ALKAL1: variants seen among roughly 807,000 people sequenced by gnomAD.
ALKAL1 encodes AUG-beta.
In ALKAL1, 23 loss-of-function variants were observed where a neutral mutation model predicts 13.5. That is an observed-to-expected ratio of 1.70 (90% confidence interval 1.23 to 2.41). The LOEUF (loss-of-function observed/expected upper bound fraction) is 2.41, where lower values mean the gene tolerates loss of function less well. Among genes scored for constraint, ALKAL1 ranks in the 30% most tolerant of loss-of-function variants. The probability of loss-of-function intolerance (pLI) is 0.00; values close to 1 mark genes in which losing one functional copy is unlikely to be tolerated. For synonymous variants in ALKAL1, 85 were observed against 77.7 expected, an observed-to-expected ratio of 1.09 and a Z score of -0.49; for missense variants, 181 against 178.4, an observed-to-expected ratio of 1.01 and a Z score of -0.08.
chr8:52,565,092 C>A lies in ALKAL1; in HGVS notation c.165G>T (p.Arg55=), dbSNP rs988111474. 2 of 1,408,742 alleles carry A rather than the reference C, an allele frequency of 1.4e-6. No individual in the cohort carries two copies. The highest frequency in any genetic ancestry group is 3.0e-5 in the African/African-American group (2 of 66,364). The allele number at this position is 1,408,742 out of a possible 1,614,324, so 87.3% of individuals were successfully genotyped here. ...LLFLPAAGAG[R]TPSGSRSAEI... is the part of the protein sequence containing the mutation. ...CTGCGCTCCGGGAGCCGCTGGGAGT[C>A]CGGCCGGCCCCGGCCGCGGGGAGGA... The change falls in exon 1 of 5, where the codon CGG becomes CGT. Residue 55 remains arginine (R), a synonymous_variant. Transcript: ENST00000358543.
At chr8:52,552,168 T>C (rs1003980261) in intron 1 of ALKAL1, among the ~76,000 whole-genome samples, 4 of 152,078 alleles carry the variant, frequency 2.6e-5, no homozygotes, top group African/African-American at 9.7e-5. Context: ...TTTGGAGGAG[T>C]CTTTGTCAGG....
intron 1 of ALKAL1, among the ~76,000 whole-genome samples, chr8:52,561,441 G>T (rs1847549647): frequency 6.6e-6 from 1 of 152,200 alleles, no homozygotes; most frequent in Non-Finnish European, 1.5e-5. Context: ...AGAGGTAAGA[G>T]AAGTGCATTT....
At chr8:52,552,420 C>A (rs886480045) in intron 1 of ALKAL1, among the ~76,000 whole-genome samples, 10 of 152,208 alleles carry the variant, frequency 6.6e-5, no homozygotes, top group African/African-American at 9.7e-5. Context: ...GTCCCCCAGC[C>A]CCGTACTGTA....
intron 2 of ALKAL1, among the ~76,000 whole-genome samples, chr8:52,540,940 A>G (rs1426109992): frequency 1.3e-5 from 2 of 152,108 alleles, no homozygotes; most frequent in Non-Finnish European, 2.9e-5. Flanking sequence ...GGGCCCTTGG[A>G]CTTGACTAAG....
chr8:52,556,765 T>C (rs1847488640), intron 1 of ALKAL1, among the ~76,000 whole-genome samples: 1 of 152,040 alleles, frequency 6.6e-6, no homozygotes, highest in Non-Finnish European at 1.5e-5. Context: ...AGCAAGTTTA[T>C]TGCTCATTGT....
At chr8:52,561,751 C>G (rs1847552873) in intron 1 of ALKAL1, among the ~76,000 whole-genome samples, 1 of 152,196 alleles carries the variant, frequency 6.6e-6, no homozygotes, top group Non-Finnish European at 1.5e-5. Context: ...CCTTCACATT[C>G]TCTCCTTAAG....
chr8:52,550,475 A>G (rs953865090), intron 1 of ALKAL1, among the ~76,000 whole-genome samples: 4 of 152,194 alleles, frequency 2.6e-5, no homozygotes, highest in African/African-American at 9.6e-5. Flanking sequence ...CAAACTTTAC[A>G]TATGGAATAA....
chr8:52,562,396 G>A (rs1287263310), intron 1 of ALKAL1, among the ~76,000 whole-genome samples: 1 of 152,054 alleles, frequency 6.6e-6, no homozygotes, highest in Non-Finnish European at 1.5e-5. Context: ...CCATCCCAAC[G>A]ACCTCAGCTG....
At chr8:52,562,491 A>G (rs28398003) in intron 1 of ALKAL1, among the ~76,000 whole-genome samples, 1,623 of 152,264 alleles carry the variant, frequency 0.011, 30 homozygotes, top group African/African-American at 0.037. Flanking sequence ...ACGGTGAATC[A>G]GGAGTGTTCC....
intron 1 of ALKAL1, among the ~76,000 whole-genome samples, chr8:52,559,599 T>C (rs899612834): frequency 1.3e-5 from 2 of 152,236 alleles, no homozygotes; most frequent in Non-Finnish European, 2.9e-5. Context: ...AGATTTATTA[T>C]ATCCAGGGTG....
intron 2 of ALKAL1, 126 bp downstream of exon 2, chr8:52,542,266 C>A (rs16917962): frequency 0.14 from 87,878 of 614,840 alleles, 7,332 homozygotes; most frequent in South Asian, 0.25. Context: ...AGCATCCGTC[C>A]ATCTCCCCAA....
At chr8:52,558,476 T>C (rs1186064416) in intron 1 of ALKAL1, among the ~76,000 whole-genome samples, 1 of 151,924 alleles carries the variant, frequency 6.6e-6, no homozygotes, top group East Asian at 1.9e-4. Context: ...CAAATAACAG[T>C]GTGCCTATTT....
chr8:52,560,415 A>C (rs113722213), intron 1 of ALKAL1, among the ~76,000 whole-genome samples: 1 of 152,214 alleles, frequency 6.6e-6, no homozygotes, highest in Non-Finnish European at 1.5e-5. Context: ...GTCGAAGGAA[A>C]TATCACCTGG....
intron 1 of ALKAL1, among the ~76,000 whole-genome samples, chr8:52,561,809 C>T (rs1305487601): frequency 2.0e-5 from 3 of 152,182 alleles, no homozygotes; most frequent in Non-Finnish European, 4.4e-5. Context: ...GCAAGCACAA[C>T]AACACAAATC....
intron 1 of ALKAL1, among the ~76,000 whole-genome samples, chr8:52,548,512 C>T (rs1274140765): frequency 6.6e-6 from 1 of 151,962 alleles, no homozygotes; most frequent in African/African-American, 2.4e-5. Flanking sequence ...TGAATGTTCC[C>T]AACACAAAGA....
chr8:52,538,959 T>C (rs916092967), intron 3 of ALKAL1, among the ~76,000 whole-genome samples: 2 of 152,124 alleles, frequency 1.3e-5, no homozygotes, highest in Admixed American at 1.3e-4. Flanking sequence ...GACTGGCTAA[T>C]TTTTGTATTT....
At chr8:52,544,941 G>A (rs966866828) in intron 1 of ALKAL1, among the ~76,000 whole-genome samples, 2 of 151,856 alleles carry the variant, frequency 1.3e-5, no homozygotes, top group African/African-American at 4.8e-5. Context: ...TTTGAGACAG[G>A]GTCTTGCTCT....
chr8:52,540,024 C>T (rs1025433896), intron 2 of ALKAL1, 113 bp from the exon 3 acceptor site: 175 of 760,442 alleles, frequency 2.3e-4, no homozygotes, highest in Non-Finnish European at 3.3e-4. Flanking sequence ...CTTCCATACC[C>T]TTAAAAGAAC....
chr8:52,558,478 T>C (rs1329746745), intron 1 of ALKAL1, among the ~76,000 whole-genome samples: 1 of 152,124 alleles, frequency 6.6e-6, no homozygotes. Flanking sequence ...AATAACAGTG[T>C]GCCTATTTGA....
Sources: allele counts gnomAD v4.1 joint callset (sites outside exome capture counted in the v4.1 genomes callset), GRCh38; gene constraint gnomAD v4.1.1; transcripts MANE v1.5; gene names NCBI Gene and HGNC (gene_info 2026-07-23, HGNC 2026-07-21).